The following ANKRD44 variants were observed in gnomAD, a reference collection of about 807,000 sequenced individuals.
The protein encoded by ANKRD44 is ankyrin repeat domain 44, also known as serine/threonine-protein phosphatase 6 regulatory ankyrin repeat subunit B.
A neutral mutation model predicts 116.0 loss-of-function variants in ANKRD44; 35 were observed. That is an observed-to-expected ratio of 0.30 (90% CI 0.23 to 0.40). The LOEUF (loss-of-function observed/expected upper bound fraction) is 0.40. Among genes scored for constraint, ANKRD44 ranks in the 10% least tolerant of loss-of-function variants. The probability of loss-of-function intolerance (pLI) is 1.00; values close to 1 mark genes in which losing one functional copy is unlikely to be tolerated. For synonymous variants in ANKRD44, 435 were observed against 461.8 expected (o/e 0.94, Z 0.74); for missense variants, 1,014 against 1,242.6 (o/e 0.82, Z 2.77).
At chr2:197,215,544 C>T (rs139785227) in intron 1 of ANKRD44, among the ~76,000 whole-genome samples, 84 of 152,108 alleles carry the variant, frequency 5.5e-4, no homozygotes, top group African/African-American at 1.8e-3. Context: ...AGAAAATCTC[C>T]GCAAATAATT....
At chr2:197,153,257 AGAAGAAGAG>A (rs1228857326) in intron 2 of ANKRD44, among the ~76,000 whole-genome samples, 3 of 29,670 alleles carry the variant, frequency 1.0e-4, no homozygotes, top group Non-Finnish European at 3.7e-4. Flanking sequence ...AGAAGAAACA[AGAAGAAGAG>A]GAAGAAGAGG....
chr2:197,059,077 T>C (rs6755622), intron 16 of ANKRD44, among the ~76,000 whole-genome samples: 108,670 of 151,940 alleles, frequency 0.72, 40,437 homozygotes, highest in East Asian at 0.86. Context: ...ATTATCATGG[T>C]GGTAATTTAC....
Position 196,974,594 on chromosome 2 carries a change from A to T in ANKRD44, c.2369-7148T>A, listed in dbSNP as rs565720026. 2.4e-4 allele frequency among the ~76,000 whole-genome samples: 37 copies of T among 152,278 alleles called. 1 individual carries two copies. The South Asian group carries it at 7.7e-3, about 32-fold the overall frequency. On this transcript the variant is annotated intron_variant, in intron 21 of 21. Transcript: ENST00000424317. ...GATTCAATAACCTAACAACCTTAAG[A>T]AAATAAAAAAGGAGGACAGGTGCCG...
intron 21 of ANKRD44, among the ~76,000 whole-genome samples, chr2:196,980,512 A>T (rs896917937): frequency 6.6e-6 from 1 of 152,194 alleles, no homozygotes; most frequent in Non-Finnish European, 1.5e-5. Flanking sequence ...TTTTAAAGCA[A>T]ATTTAATTTT....
intron 6 of ANKRD44, among the ~76,000 whole-genome samples, chr2:197,124,744 T>C (rs1360038057): frequency 6.6e-6 from 1 of 152,194 alleles, no homozygotes; most frequent in Non-Finnish European, 1.5e-5. Flanking sequence ...TAGTTCTTCA[T>C]TTCCCACAAG....
chr2:196,977,400 A>G (rs1486863861), intron 21 of ANKRD44, among the ~76,000 whole-genome samples: 1 of 152,236 alleles, frequency 6.6e-6, no homozygotes, highest in Non-Finnish European at 1.5e-5. Flanking sequence ...ACTGTCGAGA[A>G]AAGGAAAAAA....
intron 1 of ANKRD44, among the ~76,000 whole-genome samples, chr2:197,280,900 T>TA (rs909264060): frequency 1.1e-4 from 17 of 152,116 alleles, no homozygotes; most frequent in African/African-American, 4.1e-4. Flanking sequence ...TGTCTTTACT[T>TA]AAAAAACAGT....
At chr2:197,016,119 G>A in intron 17 of ANKRD44, 2 of 327,016 alleles carry the variant, frequency 6.1e-6, no homozygotes, top group South Asian at 2.6e-5. Flanking sequence ...TTAGAGGAAT[G>A]GTAAAAATCT....
Position 196,988,101 on chromosome 2 carries a change from G to T in ANKRD44, c.*1490C>A, listed in dbSNP as rs987659942. 1.0e-5 allele frequency: 10 copies of T among 985,246 alleles called. No individual in the cohort carries two copies. The highest frequency in any genetic ancestry group is 4.8e-6 in the Non-Finnish European group (4 of 829,926). The allele number at this position is 985,246 out of a possible 1,614,324, so 61.0% of individuals were successfully genotyped here. A position where few individuals can be genotyped will look rare whatever the true frequency, so the allele number is the denominator to read the frequency against. ...GGAAAAGTCAAAACGCAGCTCCATG[G>T]AGATAACGTCTCATGGTGAGTCACT... On this transcript the variant is annotated 3_prime_UTR_variant, in exon 28 of 28. Coordinates refer to ENST00000282272, the MANE Select transcript of ANKRD44 (RefSeq NM_001195144.2).
At chr2:197,035,328 G>A (rs2076788582) in intron 16 of ANKRD44, among the ~76,000 whole-genome samples, 1 of 151,176 alleles carries the variant, frequency 6.6e-6, no homozygotes, top group African/African-American at 2.4e-5. Context: ...GAGACCTCAA[G>A]CTAATCTACA....
At chr2:197,139,146 A>C (rs1383337402) in intron 3 of ANKRD44, among the ~76,000 whole-genome samples, 2 of 152,158 alleles carry the variant, frequency 1.3e-5, no homozygotes, top group Non-Finnish European at 2.9e-5. Flanking sequence ...AATTGATGAC[A>C]TGCATGCCCA....
chr2:197,160,603 T>C (rs950587592), intron 2 of ANKRD44, among the ~76,000 whole-genome samples: 2 of 152,096 alleles, frequency 1.3e-5, no homozygotes, highest in African/African-American at 4.8e-5. Flanking sequence ...CCATTCTTTA[T>C]CCTTAATCTC....
intron 1 of ANKRD44, among the ~76,000 whole-genome samples, chr2:197,307,569 A>C (rs2084109867): frequency 1.4e-5 from 2 of 146,486 alleles, no homozygotes; most frequent in African/African-American, 5.0e-5. Context: ...AAAAAAAAAG[A>C]CTAAAAATTA....
At chr2:197,050,737 T>C (rs2077091679) in intron 16 of ANKRD44, among the ~76,000 whole-genome samples, 1 of 152,068 alleles carries the variant, frequency 6.6e-6, no homozygotes, top group African/African-American at 2.4e-5. Context: ...ATTCACAATA[T>C]CTTTTATTGC....
chr2:197,149,218 A>C (rs1215079742), intron 2 of ANKRD44, among the ~76,000 whole-genome samples: 2 of 152,206 alleles, frequency 1.3e-5, no homozygotes, highest in Non-Finnish European at 2.9e-5. Context: ...TGCCTAAGTG[A>C]TTTAAACAGG....
chr2:197,083,149 A>T (rs940407279), intron 14 of ANKRD44, among the ~76,000 whole-genome samples: 1 of 152,250 alleles, frequency 6.6e-6, no homozygotes, highest in African/African-American at 2.4e-5. Context: ...TCCACTTGGG[A>T]TTCAACCCAA....
chr2:196,999,201 T>G (rs2076069311), intron 23 of ANKRD44, 149 bp from the exon 24 acceptor site: 3 of 914,516 alleles, frequency 3.3e-6, no homozygotes, highest in Non-Finnish European at 4.8e-6. Flanking sequence ...CCTCTAAAGG[T>G]CATCCAGGAT....
chr2:197,012,150 A>T (rs1331086325), intron 18 of ANKRD44, among the ~76,000 whole-genome samples: 1 of 152,228 alleles, frequency 6.6e-6, no homozygotes, highest in Non-Finnish European at 1.5e-5. Context: ...TGCACAGTAG[A>T]CATTTTGTGA....
chr2:196,991,158 T>C (rs945289016), intron 27 of ANKRD44, among the ~76,000 whole-genome samples: 1 of 152,204 alleles, frequency 6.6e-6, no homozygotes, highest in African/African-American at 2.4e-5. Flanking sequence ...TTTCAGCTCA[T>C]ATGACTATGA....
Sources: allele counts gnomAD v4.1 joint callset (sites outside exome capture counted in the v4.1 genomes callset), GRCh38; gene constraint gnomAD v4.1.1; transcripts MANE v1.5; gene names NCBI Gene and HGNC (gene_info 2026-07-23, HGNC 2026-07-21).